Variants in INPP5D observed in about 807,000 individuals in gnomAD.
INPP5D encodes phosphatidylinositol 3,4,5-trisphosphate 5-phosphatase 1.
Under a neutral mutation model 122.9 loss-of-function variants are expected in INPP5D, and 33 were observed. The ratio of observed to expected loss-of-function variants is 0.27; its 90% CI spans 0.20 to 0.36. The LOEUF (loss-of-function observed/expected upper bound fraction) is 0.36, where lower values mean the gene tolerates loss of function less well. Ranked by LOEUF, INPP5D falls within the 10% of genes least tolerant of loss-of-function variation. The probability of loss-of-function intolerance (pLI) is 1.00; values close to 1 mark genes in which losing one functional copy is unlikely to be tolerated. For synonymous variants in INPP5D, 584 were observed against 576.2 expected (o/e 1.01, Z -0.19); for missense variants, 1,053 against 1,412.7 (o/e 0.75, Z 4.08).
chr2:233,170,017 T>C lies in INPP5D; in HGVS notation c.1653-9T>C, dbSNP rs775877397. 6.2e-7 allele frequency: 1 copy of C among 1,614,034 alleles called. No homozygotes were observed. The highest frequency in any genetic ancestry group is 8.5e-7 in the Non-Finnish European group (1 of 1,179,884). ...CCCGTGCTAGATGGCCGCTTTTTCCTTGCATTAGGCGAAACCAAAACTATA... is the reference window on the plus strand; with the variant it reads ...CCCGTGCTAGATGGCCGCTTTTTCCCTGCATTAGGCGAAACCAAAACTATA... On this transcript the variant is annotated splice_polypyrimidine_tract_variant and intron_variant, in intron 14 of 26. Coordinates refer to ENST00000445964, the MANE Select transcript of INPP5D (RefSeq NM_001017915.3). This position sits in a 1 kb window ranked among gnomAD's most constrained non-coding sequence, Gnocchi z 4.5.
At chr2:233,137,453 C>T (rs1033007370) in intron 5 of INPP5D, among the ~76,000 whole-genome samples, 4 of 136,714 alleles carry the variant, frequency 2.9e-5, no homozygotes, top group Admixed American at 7.5e-5. Flanking sequence ...TTCCATTAAA[C>T]TTTTTTTTTT....
rs556418434 is a variant in INPP5D, at chr2:233,125,707, A to G, written c.350-38A>G. On this transcript the variant is annotated intron_variant, in intron 3 of 26. Transcript: ENST00000445964. Reference sequence around the variant, plus strand: ...GCGGTGAAGGCCGGGTTGTGCGCACAGTGTCCTCACCAATGGCCTTCCTGC... The same window carrying G: ...GCGGTGAAGGCCGGGTTGTGCGCACGGTGTCCTCACCAATGGCCTTCCTGC... 50 of 1,582,270 alleles carry G rather than the reference A, an allele frequency of 3.2e-5. 1 individual carries two copies. In the East Asian group the frequency reaches 7.9e-4, roughly 25 times the overall value.
chr2:233,109,384 C>T (rs1692551762), intron 2 of INPP5D, among the ~76,000 whole-genome samples: 1 of 152,218 alleles, frequency 6.6e-6, no homozygotes, highest in African/African-American at 2.4e-5. Flanking sequence ...ATGCGCGTTG[C>T]TGTGTGACTC....
At chr2:233,144,422 A>T (rs1456192091) in intron 6 of INPP5D, among the ~76,000 whole-genome samples, 1 of 114,338 alleles carries the variant, frequency 8.7e-6, no homozygotes, top group East Asian at 2.9e-4. Flanking sequence ...GGTGGTAGTG[A>T]TGGTGATGGT....
intron 2 of INPP5D, among the ~76,000 whole-genome samples, chr2:233,086,088 G>A (rs1478648297): frequency 6.6e-6 from 1 of 151,624 alleles, no homozygotes; most frequent in Non-Finnish European, 1.5e-5. Context: ...AGGTCTGTTT[G>A]TCTTAAAAAC....
chr2:233,190,044 C>T, intron 22 of INPP5D, 107 bp downstream of exon 22: 2 of 1,485,954 alleles, frequency 1.3e-6, no homozygotes, highest in South Asian at 2.7e-5. Flanking sequence ...AGGCTCCTGC[C>T]TCTCCTTTCC....
At position 233,177,121 on chromosome 2, in the gene INPP5D, A is replaced by T; in HGVS notation, c.1990-144A>T. The T allele has an allele frequency of 1.8e-6, 2 of 1,106,846 alleles. No homozygotes were observed. The highest frequency in any genetic ancestry group is 2.5e-6 in the Non-Finnish European group (2 of 789,058). The allele number at this position is 1,106,846 out of a possible 1,614,324, so 68.6% of individuals were successfully genotyped here. A position where few individuals can be genotyped will look rare whatever the true frequency, so the allele number is the denominator to read the frequency against. On this transcript the variant is annotated intron_variant, in intron 17 of 26. Coordinates refer to ENST00000445964, the MANE Select transcript of INPP5D (RefSeq NM_001017915.3). This position sits in a 1 kb window ranked among gnomAD's most constrained non-coding sequence, Gnocchi z 4.2. ...GACTTGAGCCATGTGAAAAAAGTTT[A>T]AAGCCACCTACAGGGAAATTCTATA...
intron 2 of INPP5D, among the ~76,000 whole-genome samples, chr2:233,120,274 A>C (rs989798808): frequency 6.6e-6 from 1 of 152,222 alleles, no homozygotes; most frequent in Non-Finnish European, 1.5e-5. Context: ...ACCTGAGGTC[A>C]GGATTTCGAG....
chr2:233,110,795 C>T (rs928447175), intron 2 of INPP5D, among the ~76,000 whole-genome samples: 1 of 152,052 alleles, frequency 6.6e-6, no homozygotes, highest in Admixed American at 6.6e-5. Context: ...TGTGGTGGCA[C>T]ATGCCTGTAG....
At chr2:233,158,473 C>A in intron 10 of INPP5D, 54 bp downstream of exon 10, 1 of 667,646 alleles carries the variant, frequency 1.5e-6, no homozygotes, top group Non-Finnish European at 2.7e-6. Flanking sequence ...GGGACACAAG[C>A]GTTTTGAGGC....
intron 2 of INPP5D, among the ~76,000 whole-genome samples, chr2:233,096,027 G>A (rs1277400580): frequency 6.6e-6 from 1 of 152,192 alleles, no homozygotes; most frequent in East Asian, 1.9e-4. Flanking sequence ...ACAGTTGAAC[G>A]ATAATGGATG....
At chr2:233,194,007 A>C (rs2106323096) in intron 23 of INPP5D, 46 bp downstream of exon 23, 1 of 1,523,226 alleles carries the variant, frequency 6.6e-7, no homozygotes, top group East Asian at 2.3e-5. Flanking sequence ...CCCCCCACTT[A>C]GGGACGGGAA....
chr2:233,197,008 TG>T lies in INPP5D; in HGVS notation c.2694-1086del, dbSNP rs1267289961. On this transcript the variant is annotated intron_variant, in intron 24 of 26. Transcript: ENST00000445964. This position sits in a 1 kb window ranked among gnomAD's most constrained non-coding sequence, Gnocchi z 4.4. ...TGCATCCTGGCTCTGAAGTGTCTAC[TG>T]TGTTCCAGAATCAGGATCAGTGTAG... 2.6e-5 allele frequency among the ~76,000 whole-genome samples: 4 copies of T among 152,256 alleles called. No individual in the cohort carries two copies. The highest frequency in any genetic ancestry group is 6.5e-5 in the Admixed American group (1 of 15,286).
intron 22 of INPP5D, among the ~76,000 whole-genome samples, chr2:233,192,346 A>C (rs577616720): frequency 6.6e-6 from 1 of 152,304 alleles, no homozygotes; most frequent in East Asian, 1.9e-4. Context: ...CTTCATATTC[A>C]TACTCACAAG....
At position 233,125,887 on chromosome 2, in the gene INPP5D, G is replaced by T. The variant is rs765244250; in HGVS notation, c.492G>T (p.Leu164Phe). ...ETSRPSLSET[L>F]FQRLQSMDTS... ...GCCGGCCGAGCCTCTCCGAGACATT[G>T]TTCCAGCGACTGCAAAGCATGGACA... The change falls in exon 4 of 27, where the codon TTG becomes TTT. Residue 164 changes from leucine (L) to phenylalanine (F), a missense_variant. Leu to Phe is a conservative substitution (Grantham distance 22). This residue lies in a region of INPP5D where 196 missense variants were observed against 175.6 expected (regional missense o/e 1.12). Coordinates refer to ENST00000445964, the MANE Select transcript of INPP5D (RefSeq NM_001017915.3). 6.2e-7 allele frequency: 1 copy of T among 1,613,828 alleles called. No homozygotes were observed.
intron 21 of INPP5D, among the ~76,000 whole-genome samples, chr2:233,187,663 T>A (rs1203209248): frequency 6.6e-6 from 1 of 152,200 alleles, no homozygotes; most frequent in East Asian, 1.9e-4. Flanking sequence ...ACTCAGAGGC[T>A]GCGGCCAGCT....
At chr2:233,192,603 T>TGA (rs1695083202) in intron 22 of INPP5D, among the ~76,000 whole-genome samples, 1 of 152,238 alleles carries the variant, frequency 6.6e-6, no homozygotes, top group African/African-American at 2.4e-5. Flanking sequence ...ATGGACTTAC[T>TGA]GCATCCTCAT....
chr2:233,158,438 C>G lies in INPP5D; in HGVS notation c.1137+19C>G. 1.4e-6 allele frequency: 1 copy of G among 699,094 alleles called. No individual in the cohort carries two copies. The highest frequency in any genetic ancestry group is 2.6e-6 in the Non-Finnish European group (1 of 382,642). The allele number at this position is 699,094 out of a possible 1,614,324, so 43.3% of individuals were successfully genotyped here. A position where few individuals can be genotyped will look rare whatever the true frequency, so the allele number is the denominator to read the frequency against. ...CTCCAAAGTAAGTGACAGCAAACTT[C>G]TAAAATGGGCTGTGAGGTAGGGAGG... On this transcript the variant is annotated intron_variant, in intron 10 of 26. Transcript: ENST00000445964.
intron 23 of INPP5D, 49 bp from the exon 24 acceptor site, chr2:233,195,350 C>T (rs746225120): frequency 1.9e-6 from 3 of 1,613,012 alleles, no homozygotes; most frequent in Admixed American, 3.3e-5. Context: ...CTCGCCTAAG[C>T]TCTGGAAGCT....
Sources: gnomAD v4.1 joint callset for allele counts (sites outside exome capture counted in the v4.1 genomes callset) on GRCh38, gnomAD v4.1.1 for gene constraint, gnomAD v4.1.1 regional missense constraint, Gnocchi (gnomAD v3.1) non-coding constraint, MANE v1.5 for transcripts, NCBI Gene and HGNC (gene_info 2026-07-23, HGNC 2026-07-21) for gene names.